The following RHBDD1 variants were observed in gnomAD, a reference collection of about 807,000 sequenced individuals.
The protein encoded by RHBDD1 is rhomboid domain containing 1, also known as rhomboid-related protein 4.
Under a neutral mutation model 36.3 loss-of-function variants are expected in RHBDD1, and 38 were observed. The ratio of observed to expected loss-of-function variants is 1.05; its 90% CI spans 0.81 to 1.37. The LOEUF (loss-of-function observed/expected upper bound fraction) is 1.37. RHBDD1 is among the 40% of genes most tolerant of loss of function. The pLI, the probability that RHBDD1 is intolerant of heterozygous loss-of-function variation, is 0.00. For synonymous variants in RHBDD1, 151 were observed against 136.5 expected (o/e 1.11, Z -0.74); for missense variants, 393 against 377.6 (o/e 1.04, Z -0.34).
chr2:226,898,736 A>G (rs796665660), intron 5 of RHBDD1, among the ~76,000 whole-genome samples: 6 of 152,160 alleles, frequency 3.9e-5, no homozygotes, highest in African/African-American at 1.4e-4. Context: ...ATTACATCTC[A>G]TTGCTAGTAC....
At chr2:226,837,591 C>T (rs1574716726) in intron 1 of RHBDD1, 1 of 152,280 alleles carries the variant, frequency 6.6e-6, no homozygotes, top group Non-Finnish European at 1.5e-5. Flanking sequence ...GGCTGGAGTG[C>T]AATGGTGCAA....
At chr2:226,827,989 CATT>C in the RHBDD1 span, among the ~76,000 whole-genome samples, 21 of 152,052 alleles carry the variant, frequency 1.4e-4, no homozygotes, top group Non-Finnish European at 2.9e-5. Context: ...AAAATTCGTG[CATT>C]ATTTATGTAT....
chr2:226,879,674 A>G (rs977105587), intron 5 of RHBDD1, among the ~76,000 whole-genome samples: 2 of 152,262 alleles, frequency 1.3e-5, no homozygotes, highest in Non-Finnish European at 2.9e-5. Flanking sequence ...TTGAAATGTA[A>G]AAGTATTTCT....
At chr2:226,981,828 G>C (rs1317557734) in intron 8 of RHBDD1, among the ~76,000 whole-genome samples, 1 of 152,134 alleles carries the variant, frequency 6.6e-6, no homozygotes, top group African/African-American at 2.4e-5. Context: ...CTCAGCTCTG[G>C]GGTGCAGAGA....
intron 5 of RHBDD1, among the ~76,000 whole-genome samples, chr2:226,878,346 A>G (rs956023276): frequency 6.6e-6 from 1 of 152,236 alleles, no homozygotes; most frequent in Non-Finnish European, 1.5e-5. Context: ...TAACTGTAAC[A>G]ATAGCTTCAG....
chr2:226,925,558 A>T (rs897885626), intron 8 of RHBDD1, among the ~76,000 whole-genome samples: 1 of 152,212 alleles, frequency 6.6e-6, no homozygotes, highest in African/African-American at 2.4e-5. Context: ...TAGGAAAAAA[A>T]AATGAAAACG....
intron 5 of RHBDD1, among the ~76,000 whole-genome samples, chr2:226,889,742 C>T (rs1029221161): frequency 7.2e-5 from 11 of 152,094 alleles, no homozygotes; most frequent in Admixed American, 1.3e-4. Context: ...ATATAGATGC[C>T]GAGCAAAGGC....
At chr2:226,977,269 G>A (rs772976400) in intron 8 of RHBDD1, among the ~76,000 whole-genome samples, 2 of 152,096 alleles carry the variant, frequency 1.3e-5, no homozygotes, top group Non-Finnish European at 2.9e-5. Context: ...ATTTAACACA[G>A]TCTTGCCTTC....
chr2:226,913,402 C>T (rs768973970), intron 7 of RHBDD1, among the ~76,000 whole-genome samples: 12 of 152,190 alleles, frequency 7.9e-5, no homozygotes, highest in Middle Eastern at 3.2e-3. Context: ...TGGTAACCTT[C>T]TGTGGGGAAC....
At chr2:226,825,226 G>A in the RHBDD1 span, among the ~76,000 whole-genome samples, 2 of 151,936 alleles carry the variant, frequency 1.3e-5, no homozygotes, top group Non-Finnish European at 2.9e-5. Context: ...TGACAGCTGT[G>A]GTGAAATTTT....
chr2:226,936,706 T>C (rs928001931), intron 8 of RHBDD1, among the ~76,000 whole-genome samples: 1 of 152,162 alleles, frequency 6.6e-6, no homozygotes, highest in Admixed American at 6.6e-5. Context: ...TGTTGCTCAG[T>C]ACCGTCATTC....
intron 8 of RHBDD1, among the ~76,000 whole-genome samples, chr2:226,917,956 G>A (rs1333301646): frequency 6.6e-6 from 1 of 151,912 alleles, no homozygotes; most frequent in Non-Finnish European, 1.5e-5. Flanking sequence ...GAAAAGTAAT[G>A]AAAAAATTGT....
the RHBDD1 span, among the ~76,000 whole-genome samples, chr2:226,821,038 C>T: frequency 6.6e-6 from 1 of 152,164 alleles, no homozygotes; most frequent in Non-Finnish European, 1.5e-5. Flanking sequence ...CACTCAGCCT[C>T]TTCCTTTTTT....
chr2:226,868,836 C>T (rs1944549953), intron 5 of RHBDD1, among the ~76,000 whole-genome samples: 1 of 152,158 alleles, frequency 6.6e-6, no homozygotes, highest in Non-Finnish European at 1.5e-5. Context: ...TTTGACAGTT[C>T]CACGAAGAAA....
chr2:226,816,389 A>AAAAG, the RHBDD1 span, among the ~76,000 whole-genome samples: 2 of 151,312 alleles, frequency 1.3e-5, no homozygotes, highest in African/African-American at 4.9e-5. Flanking sequence ...AAAAAAAAAA[A>AAAAG]AAAAAAAGAA....
chr2:226,940,642 A>G (rs374476608), intron 8 of RHBDD1, among the ~76,000 whole-genome samples: 40 of 152,188 alleles, frequency 2.6e-4, no homozygotes, highest in African/African-American at 9.6e-4. Context: ...TCTAAAGTAG[A>G]TAGATGATGG....
intron 6 of RHBDD1, among the ~76,000 whole-genome samples, chr2:226,908,045 C>G (rs1309030259): frequency 6.6e-6 from 1 of 152,008 alleles, no homozygotes; most frequent in Non-Finnish European, 1.5e-5. Context: ...GGATTTTCCC[C>G]TAATTATAAT....
the RHBDD1 span, among the ~76,000 whole-genome samples, chr2:226,809,116 A>G: frequency 1.3e-5 from 2 of 152,262 alleles, no homozygotes; most frequent in African/African-American, 4.8e-5. Flanking sequence ...TTTAAAGCCC[A>G]TGATACTGGA....
At chr2:226,812,694 T>C in the RHBDD1 span, among the ~76,000 whole-genome samples, 104 of 152,190 alleles carry the variant, frequency 6.8e-4, no homozygotes, top group African/African-American at 2.4e-3. Context: ...ACAGAAAAAT[T>C]CTAGAATGGC....
Sources: gnomAD v4.1 joint callset for allele counts (sites outside exome capture counted in the v4.1 genomes callset) on GRCh38, gnomAD v4.1.1 for gene constraint, MANE v1.5 for transcripts, NCBI Gene and HGNC (gene_info 2026-07-23, HGNC 2026-07-21) for gene names.